Variants in PRSS48 observed in about 807,000 individuals in gnomAD.
PRSS48 encodes epidermis-specific serine protease-like protein.
A neutral mutation model predicts 25.6 loss-of-function variants in PRSS48; 21 were observed. The ratio of observed to expected loss-of-function variants is 0.82; its 90% CI spans 0.58 to 1.18. PRSS48 has a LOEUF of 1.18. Ranked by LOEUF, PRSS48 falls within the 50% of genes most tolerant of loss-of-function variation. PRSS48 has a pLI of 0.00. For missense variants in PRSS48, 373 were observed against 399.3 expected (o/e 0.93, Z 0.56); for synonymous variants, 150 against 149.3 (o/e 1.00, Z -0.04).
chr4:151,277,998 G>A (rs765707731), intron 1 of PRSS48, among the ~76,000 whole-genome samples: 4 of 152,086 alleles, frequency 2.6e-5, no homozygotes, highest in Admixed American at 2.0e-4. Context: ...CCGAGATAGC[G>A]CCACTGCACT....
intron 4 of PRSS48, among the ~76,000 whole-genome samples, chr4:151,286,077 C>G (rs1470944470): frequency 1.3e-5 from 2 of 148,336 alleles, no homozygotes; most frequent in African/African-American, 5.0e-5. Context: ...ACTTGTGGTC[C>G]CAGCTACTTG....
At chr4:151,282,394 A>G in exon 3 of PRSS48, 1 of 1,613,854 alleles carries the variant, frequency 6.2e-7, no homozygotes, top group African/African-American at 1.3e-5. Context: ...CCGGATGGGG[A>G]AAAGTTAAGG....
At chr4:151,285,866 CTCTG>C (rs1355457013) in intron 4 of PRSS48, among the ~76,000 whole-genome samples, 2 of 151,770 alleles carry the variant, frequency 1.3e-5, no homozygotes, top group African/African-American at 4.8e-5. Flanking sequence ...GACTCTGTGG[CTCTG>C]TCTCTTAAAA....
intron 4 of PRSS48, among the ~76,000 whole-genome samples, chr4:151,284,397 T>C (rs889030455): frequency 1.3e-5 from 2 of 152,240 alleles, no homozygotes; most frequent in Admixed American, 6.5e-5. Context: ...TTTTTAGTTA[T>C]AGAATGACCA....
At chr4:151,279,183 CA>C in intron 1 of PRSS48, 37 of 319,790 alleles carry the variant, frequency 1.2e-4, no homozygotes, top group Non-Finnish European at 1.7e-4. Context: ...GTATACAGGT[CA>C]CCAGCACACT....
exon 2 of PRSS48, chr4:151,279,887 C>T (rs1288834035): frequency 6.2e-7 from 1 of 1,613,606 alleles, no homozygotes. Flanking sequence ...TACACTTTGA[C>T]CACAACTTTA....
intron 1 of PRSS48, among the ~76,000 whole-genome samples, chr4:151,277,579 C>A (rs1316858): frequency 0.36 from 54,893 of 151,824 alleles, 10,905 homozygotes; most frequent in Middle Eastern, 0.45. Context: ...TAAAGAAGGC[C>A]TCACTAAGAA....
chr4:151,277,797 T>A (rs1394325768), intron 1 of PRSS48, among the ~76,000 whole-genome samples: 1 of 152,148 alleles, frequency 6.6e-6, no homozygotes, highest in East Asian at 1.9e-4. Context: ...TCCCAGCACT[T>A]TGGGATGCCA....
intron 1 of PRSS48, chr4:151,279,238 C>T: frequency 5.0e-6 from 1 of 200,776 alleles, no homozygotes; most frequent in South Asian, 5.9e-5. Context: ...TTTTCTTTTT[C>T]AATTTTTTTT....
intron 4 of PRSS48, among the ~76,000 whole-genome samples, chr4:151,286,928 C>T (rs1400713242): frequency 2.0e-5 from 3 of 151,088 alleles, no homozygotes; most frequent in Non-Finnish European, 3.0e-5. Context: ...TACAGTGAGC[C>T]GAGATCGCGC....
exon 3 of PRSS48, chr4:151,282,185 T>A: frequency 6.2e-7 from 1 of 1,613,898 alleles, no homozygotes; most frequent in Non-Finnish European, 8.5e-7. Context: ...GTGGCTAGGA[T>A]CGATTACAGT....
In PRSS48 at chr4:151,283,305, G is replaced by A. The variant is rs372701461; in HGVS notation, c.651+19G>A. ...TTGCAAGGTCAGGGTTTGCTCTAGAGAATTTTTTTTTAAACATGAGATCTT... is the reference window on the plus strand; with the variant it reads ...TTGCAAGGTCAGGGTTTGCTCTAGAAAATTTTTTTTTAAACATGAGATCTT... On this transcript the variant is annotated intron_variant, in intron 4 of 4. Coordinates refer to ENST00000455694, the Ensembl canonical transcript of PRSS48. 2.3e-4 allele frequency: 374 copies of A among 1,606,956 alleles called. No individual in the cohort carries two copies. The highest frequency in any genetic ancestry group is 5.0e-4 in the Middle Eastern group (3 of 6,016).
At chr4:151,283,327 T>C in intron 4 of PRSS48, 41 bp downstream of exon 4, 345 of 1,186,708 alleles carry the variant, frequency 2.9e-4, no homozygotes, top group Non-Finnish European at 3.9e-4. Flanking sequence ...AAACATGAGA[T>C]CTTAATTTGG....
chr4:151,278,133 T>C (rs1311766552), intron 1 of PRSS48, among the ~76,000 whole-genome samples: 1 of 152,146 alleles, frequency 6.6e-6, no homozygotes, highest in Admixed American at 6.5e-5. Context: ...GCCAATTCAG[T>C]TAAACCAAAT....
chr4:151,287,424 T>C (rs2150015035), intron 4 of PRSS48, among the ~76,000 whole-genome samples: 1 of 149,862 alleles, frequency 6.7e-6, no homozygotes. Context: ...GACAAAGGCA[T>C]CACAAGGAAG....
At chr4:151,290,611 T>G (rs1775226097) in intron 4 of PRSS48, among the ~76,000 whole-genome samples, 1 of 152,198 alleles carries the variant, frequency 6.6e-6, no homozygotes, top group Non-Finnish European at 1.5e-5. Flanking sequence ...TAAAATGGGT[T>G]GTGGTGATGG....
At position 151,282,275 on chromosome 4, in the gene PRSS48, G is replaced by A. The variant is rs192149727; in HGVS notation, c.343G>A (p.Val115Ile). The A allele has an allele frequency of 6.8e-5, 110 of 1,613,944 alleles. No individual in the cohort carries two copies. The highest frequency in any genetic ancestry group is 6.6e-4 in the Middle Eastern group (4 of 6,062). ...CAAGTACCAAGATACAACGGCAGAC[G>A]TCGCCTTGTTGAAACTGTCCTCTCA... The change falls in exon 3 of 5, where the codon GTC (valine) becomes ATC (isoleucine). Residue 115 changes from valine to isoleucine, a missense_variant. Val to Ile is a conservative substitution (Grantham distance 29). Transcript: ENST00000455694.
At chr4:151,286,198 A>AAC (rs1774760844) in intron 4 of PRSS48, among the ~76,000 whole-genome samples, 1 of 149,870 alleles carries the variant, frequency 6.7e-6, no homozygotes, top group South Asian at 2.1e-4. Context: ...AAAAAAAAAA[A>AAC]AAAAAACAAC....
At chr4:151,290,576 T>C (rs989127348) in intron 4 of PRSS48, among the ~76,000 whole-genome samples, 11 of 152,226 alleles carry the variant, frequency 7.2e-5, no homozygotes, top group South Asian at 2.1e-4. Flanking sequence ...GTATGAGGTT[T>C]CTTTTTAGGG....
Sources: gnomAD v4.1 joint callset for allele counts (sites outside exome capture counted in the v4.1 genomes callset) on GRCh38, gnomAD v4.1.1 for gene constraint, MANE v1.5 for transcripts, NCBI Gene and HGNC (gene_info 2026-07-23, HGNC 2026-07-21) for gene names.